Variants in GPC6 observed in about 807,000 individuals in gnomAD.
The protein encoded by GPC6 is glypican 6.
GPC6 carries 14 observed loss-of-function variants against 55.2 expected under a neutral mutation model. That is an observed-to-expected ratio of 0.25 (90% confidence interval 0.17 to 0.40). The LOEUF is 0.40. Ranked by LOEUF, GPC6 falls within the 10% of genes least tolerant of loss-of-function variation. The pLI is 1.00. For synonymous variants in GPC6, 278 were observed against 259.6 expected (o/e 1.07, Z -0.68); for missense variants, 641 against 708.5 (o/e 0.90, Z 1.08).
intron 3 of GPC6, among the ~76,000 whole-genome samples, chr13:93,862,510 T>C (rs536741300): frequency 1.1e-3 from 162 of 151,576 alleles, no homozygotes; most frequent in African/African-American, 3.6e-3. Flanking sequence ...GAGGAGGAGA[T>C]TGTGGTGCAT....
intron 1 of GPC6, among the ~76,000 whole-genome samples, chr13:93,309,508 C>A (rs1878989749): frequency 1.3e-5 from 2 of 152,000 alleles, no homozygotes; most frequent in Admixed American, 6.6e-5. Flanking sequence ...ATTTTTCTAA[C>A]TTAGTTATGC....
intron 3 of GPC6, among the ~76,000 whole-genome samples, chr13:93,845,485 A>G (rs1419446059): frequency 1.4e-5 from 2 of 139,768 alleles, no homozygotes; most frequent in Non-Finnish European, 1.5e-5. Context: ...ATTACTGGGT[A>G]TATACCCAAA....
intron 2 of GPC6, among the ~76,000 whole-genome samples, chr13:93,812,670 T>C (rs1489064405): frequency 6.6e-6 from 1 of 152,186 alleles, no homozygotes; most frequent in East Asian, 1.9e-4. Flanking sequence ...TATGCCAAGA[T>C]AAATTTTAAA....
intron 1 of GPC6, among the ~76,000 whole-genome samples, chr13:93,451,190 A>G (rs1342997968): frequency 6.6e-6 from 1 of 152,226 alleles, no homozygotes; most frequent in African/African-American, 2.4e-5. Context: ...GAGCAAGGAA[A>G]TGAGTTTGTC....
At chr13:93,997,457 G>A (rs1881606217) in intron 3 of GPC6, among the ~76,000 whole-genome samples, 1 of 152,112 alleles carries the variant, frequency 6.6e-6, no homozygotes, top group African/African-American at 2.4e-5. Flanking sequence ...GAAACTGAGG[G>A]CTGCTCTGCT....
At chr13:93,319,013 G>A (rs549430588) in intron 1 of GPC6, among the ~76,000 whole-genome samples, 26 of 152,042 alleles carry the variant, frequency 1.7e-4, no homozygotes, top group Non-Finnish European at 3.7e-4. Context: ...AGCTGGGGGT[G>A]GAGTCAGTCT....
intron 3 of GPC6, among the ~76,000 whole-genome samples, chr13:93,877,189 G>GAC (rs1054099528): frequency 2.0e-5 from 3 of 151,986 alleles, no homozygotes; most frequent in Non-Finnish European, 4.4e-5. Context: ...ATTTCTGACT[G>GAC]ACACATTTAA....
chr13:93,939,024 C>T (rs772182573), intron 3 of GPC6, among the ~76,000 whole-genome samples: 4 of 152,096 alleles, frequency 2.6e-5, no homozygotes, highest in African/African-American at 4.8e-5. Flanking sequence ...ATCGCTTGAA[C>T]CCAGGAGGTG....
At chr13:94,085,311 G>A in intron 4 of GPC6, among the ~76,000 whole-genome samples, 1 of 99,122 alleles carries the variant, frequency 1.0e-5, no homozygotes, top group Non-Finnish European at 1.8e-5. Context: ...GACAGAGCGA[G>A]ATTCTGTCTC....
In GPC6 at chr13:94,028,281, A is replaced by G. The variant is rs915218300; in HGVS notation, c.877+387A>G. On this transcript the variant is annotated intron_variant, in intron 4 of 8. Coordinates refer to ENST00000377047, the MANE Select transcript of GPC6 (RefSeq NM_005708.5). The stretch of plus-strand genomic sequence containing the variant: ...CCCTGTCTCAAAAAAAAAAAATGTT[A>G]TGATGACTTTTAGAGACTAGGATGG... Among the ~76,000 whole-genome samples the G allele has an allele frequency of 3.3e-5, 5 of 152,020 alleles. No individual in the cohort carries two copies. In the East Asian group the frequency reaches 9.7e-4, roughly 29 times the overall value.
At chr13:93,916,498 A>G (rs756778801) in intron 3 of GPC6, among the ~76,000 whole-genome samples, 9 of 152,202 alleles carry the variant, frequency 5.9e-5, no homozygotes, top group East Asian at 5.8e-4. Flanking sequence ...GTTATCCCCC[A>G]AACTCCAACA....
At chr13:93,368,369 C>A (rs1881333791) in intron 1 of GPC6, among the ~76,000 whole-genome samples, 1 of 127,650 alleles carries the variant, frequency 7.8e-6, no homozygotes, top group African/African-American at 2.7e-5. Flanking sequence ...TCCTTCCTTC[C>A]TTCCTTCCTT....
intron 2 of GPC6, among the ~76,000 whole-genome samples, chr13:93,754,722 C>T (rs958484490): frequency 2.0e-5 from 3 of 151,638 alleles, no homozygotes; most frequent in African/African-American, 4.8e-5. Context: ...AAACTAAAAT[C>T]GATGGAACTA....
At chr13:94,023,602 G>C (rs1882785315) in intron 3 of GPC6, among the ~76,000 whole-genome samples, 1 of 151,992 alleles carries the variant, frequency 6.6e-6, no homozygotes, top group South Asian at 2.1e-4. Flanking sequence ...ACCACCATGT[G>C]ATCCAGCAAT....
intron 1 of GPC6, among the ~76,000 whole-genome samples, chr13:93,491,718 C>T (rs1186312142): frequency 7.5e-6 from 1 of 133,858 alleles, no homozygotes; most frequent in Non-Finnish European, 1.6e-5. Context: ...GGAAGGGATC[C>T]AGTTTCAGCT....
At chr13:94,264,935 A>G (rs1168988795) in intron 4 of GPC6, among the ~76,000 whole-genome samples, 1 of 152,218 alleles carries the variant, frequency 6.6e-6, no homozygotes, top group Admixed American at 6.5e-5. Context: ...TAAAGCCATC[A>G]GATCTCGTGA....
intron 2 of GPC6, among the ~76,000 whole-genome samples, chr13:93,662,996 A>T (rs961715522): frequency 5.9e-5 from 9 of 151,926 alleles, no homozygotes; most frequent in Non-Finnish European, 8.8e-5. Context: ...AGGATTGCGA[A>T]TCACTGTGAT....
At chr13:93,397,979 C>T (rs991370924) in intron 1 of GPC6, among the ~76,000 whole-genome samples, 3 of 152,160 alleles carry the variant, frequency 2.0e-5, no homozygotes, top group African/African-American at 7.2e-5. Flanking sequence ...ATTTTTAATA[C>T]TTTGGAACCA....
chr13:93,497,118 A>G (rs1025818693), intron 1 of GPC6, among the ~76,000 whole-genome samples: 1 of 152,180 alleles, frequency 6.6e-6, no homozygotes, highest in Non-Finnish European at 1.5e-5. Flanking sequence ...TGTCTGCATC[A>G]CTTTAGGAGT....
Sources: allele counts gnomAD v4.1 joint callset (sites outside exome capture counted in the v4.1 genomes callset), GRCh38; gene constraint gnomAD v4.1.1; transcripts MANE v1.5; gene names NCBI Gene and HGNC (gene_info 2026-07-23, HGNC 2026-07-21).